Variants in PDE10A observed in about 807,000 individuals in gnomAD.
PDE10A encodes phosphodiesterase 10A, also known as cAMP and cAMP-inhibited cGMP 3',5'-cyclic phosphodiesterase 10A.
A neutral mutation model predicts 97.7 loss-of-function variants in PDE10A; 39 were observed. The observed-to-expected ratio is 0.40, with a 90% confidence interval of 0.31 to 0.52. PDE10A has a LOEUF of 0.52. PDE10A is among the 20% of genes least tolerant of loss of function. PDE10A has a pLI of 0.56. For synonymous variants in PDE10A, 371 were observed against 376.8 expected, an observed-to-expected ratio of 0.98 and a Z score of 0.18; for missense variants, 731 against 1,047.8, an observed-to-expected ratio of 0.70 and a Z score of 4.17.
At chr6:165,440,838 TA>T (rs1790389590) in intron 5 of PDE10A, among the ~76,000 whole-genome samples, 2 of 152,176 alleles carry the variant, frequency 1.3e-5, no homozygotes, top group Non-Finnish European at 2.9e-5. Flanking sequence ...ACTTTTGAAT[TA>T]AAAATTTTAA....
At chr6:165,725,484 C>T (rs1445797620) in intron 1 of PDE10A, among the ~76,000 whole-genome samples, 1 of 152,186 alleles carries the variant, frequency 6.6e-6, no homozygotes, top group Non-Finnish European at 1.5e-5. Flanking sequence ...TAGAAGCAAG[C>T]CACAACCCCA....
Position 165,969,120 on chromosome 6 carries a change from G to A in PDE10A, c.-615+18409C>T, listed in dbSNP as rs60678520. ...AGATGAGAAAGATATGAGGTATAAC[G>A]TTTGGAAAAGGAAAGTAAAATTACC... On this transcript the variant is annotated intron_variant, in intron 1 of 19. Coordinates refer to the PDE10A transcript ENST00000366882. 4.3e-3 allele frequency among the ~76,000 whole-genome samples: 659 copies of A among 152,332 alleles called. 9 individuals carry two copies. The South Asian group carries it at 0.056, about 13-fold the overall frequency.
chr6:165,708,515 C>T (rs1013458077), intron 1 of PDE10A, among the ~76,000 whole-genome samples: 1 of 151,826 alleles, frequency 6.6e-6, no homozygotes, highest in African/African-American at 2.4e-5. Context: ...TCCGCACTCT[C>T]AGCACATCCC....
chr6:165,539,192 T>C (rs1034443426), intron 2 of PDE10A, among the ~76,000 whole-genome samples: 3 of 152,208 alleles, frequency 2.0e-5, no homozygotes, highest in African/African-American at 7.2e-5. Context: ...GTTTGGAATT[T>C]AGGTTCAGAG....
intron 5 of PDE10A, among the ~76,000 whole-genome samples, chr6:165,440,763 T>C (rs1476224698): frequency 6.6e-6 from 1 of 152,102 alleles, no homozygotes; most frequent in Admixed American, 6.5e-5. Context: ...AACTAACTTA[T>C]CAAACCTGTA....
chr6:165,986,131 A>T (rs935832272), intron 1 of PDE10A: 1 of 152,640 alleles, frequency 6.6e-6, no homozygotes, highest in Non-Finnish European at 1.5e-5. Flanking sequence ...GCTGTCCCCA[A>T]ACCAGGCAGT....
At chr6:165,900,890 T>C (rs1051465157) in intron 1 of PDE10A, among the ~76,000 whole-genome samples, 1 of 152,160 alleles carries the variant, frequency 6.6e-6, no homozygotes, top group Admixed American at 6.5e-5. Flanking sequence ...ACCAGACTAA[T>C]GATAACAGGC....
In PDE10A at chr6:165,841,196, T is replaced by C. The variant is rs918007402; in HGVS notation, c.-615+146333A>G. On this transcript the variant is annotated intron_variant, in intron 1 of 19. Transcript: ENST00000366882. ...ATTGCAAAACCCAGTTTAATCTTGTTTGTCTAGCTCACTGGTGAAAATCGA... is the reference window on the plus strand; with the variant it reads ...ATTGCAAAACCCAGTTTAATCTTGTCTGTCTAGCTCACTGGTGAAAATCGA... Among the ~76,000 whole-genome samples, 6 of 152,244 alleles carry C rather than the reference T, an allele frequency of 3.9e-5. No individual in the cohort carries two copies. The South Asian group carries it at 8.3e-4, about 21-fold the overall frequency.
chr6:165,382,202 T>C (rs1418687012), intron 17 of PDE10A, among the ~76,000 whole-genome samples: 1 of 152,142 alleles, frequency 6.6e-6, no homozygotes, highest in Non-Finnish European at 1.5e-5. Flanking sequence ...ATGTTGAAAT[T>C]GGTGCTGACG....
intron 1 of PDE10A, among the ~76,000 whole-genome samples, chr6:165,770,163 CAAAAAAA>C (rs11442419): frequency 7.8e-6 from 1 of 127,902 alleles, no homozygotes; most frequent in East Asian, 2.2e-4. Context: ...TGCAAAAGGG[CAAAAAAA>C]AAAAAAAAGG....
chr6:165,372,333 T>C (rs1238810920), intron 18 of PDE10A, among the ~76,000 whole-genome samples: 23 of 150,024 alleles, frequency 1.5e-4, no homozygotes, highest in African/African-American at 1.5e-4. Flanking sequence ...AAAACCCCAT[T>C]GTCTCAGCCC....
At chr6:165,704,797 T>C (rs913058961) in intron 1 of PDE10A, among the ~76,000 whole-genome samples, 2 of 152,152 alleles carry the variant, frequency 1.3e-5, no homozygotes, top group Non-Finnish European at 2.9e-5. Context: ...ATCTTCCCTG[T>C]TTCAGACTTG....
chr6:165,986,917 T>C (rs1785239636), intron 1 of PDE10A, among the ~76,000 whole-genome samples: 1 of 151,964 alleles, frequency 6.6e-6, no homozygotes, highest in Non-Finnish European at 1.5e-5. Context: ...TGCTGGGGAC[T>C]CCGGACCCCC....
chr6:165,509,317 G>A (rs1157229468), intron 2 of PDE10A, among the ~76,000 whole-genome samples: 1 of 151,898 alleles, frequency 6.6e-6, no homozygotes, highest in African/African-American at 2.4e-5. Flanking sequence ...AATTTTCCCA[G>A]CACCATTTAT....
At chr6:165,696,819 G>A (rs1164716730) in intron 1 of PDE10A, among the ~76,000 whole-genome samples, 1 of 152,148 alleles carries the variant, frequency 6.6e-6, no homozygotes, top group East Asian at 1.9e-4. Context: ...GTTGCATCAA[G>A]TAGAGAATAT....
intron 1 of PDE10A, among the ~76,000 whole-genome samples, chr6:165,922,816 A>G (rs1374615424): frequency 6.6e-6 from 1 of 152,228 alleles, no homozygotes; most frequent in Admixed American, 6.5e-5. Context: ...CATTCGGTTG[A>G]GTCCACTGAC....
At chr6:165,910,942 AT>A (rs1014950733) in intron 1 of PDE10A, 2 of 152,300 alleles carry the variant, frequency 1.3e-5, no homozygotes, top group Non-Finnish European at 1.5e-5. Context: ...TCTGGTGAGT[AT>A]TTAATAGAGT....
chr6:165,578,571 C>T (rs924196652), intron 1 of PDE10A, among the ~76,000 whole-genome samples: 7 of 152,280 alleles, frequency 4.6e-5, no homozygotes, highest in East Asian at 1.9e-4. Context: ...CTTCATCTCC[C>T]GCTACTCTCC....
intron 1 of PDE10A, among the ~76,000 whole-genome samples, chr6:165,921,368 G>A (rs1049385419): frequency 3.3e-5 from 5 of 152,236 alleles, no homozygotes; most frequent in Non-Finnish European, 5.9e-5. Flanking sequence ...TACATAGGCA[G>A]GGATATCAGG....
Sources: allele counts gnomAD v4.1 joint callset (sites outside exome capture counted in the v4.1 genomes callset), GRCh38; gene constraint gnomAD v4.1.1; transcripts MANE v1.5; gene names NCBI Gene and HGNC (gene_info 2026-07-23, HGNC 2026-07-21).